ADAMTS18: variants seen among roughly 807,000 people sequenced by gnomAD.
ADAMTS18 encodes the protein ADAM metallopeptidase with thrombospondin type 1 motif 18, also known as A disintegrin and metalloproteinase with thrombospondin motifs 18.
In ADAMTS18, 157 loss-of-function variants were observed where a neutral mutation model predicts 165.9. That is an observed-to-expected ratio of 0.95 (90% CI 0.83 to 1.08). The LOEUF is 1.08. ADAMTS18 is among the 50% of genes least tolerant of loss of function. The pLI is 0.00. For synonymous variants in ADAMTS18, 782 were observed against 578.2 expected (o/e 1.35, Z -5.06); for missense variants, 2,040 against 1,534.0 (o/e 1.33, Z -5.51).
At chr16:77,312,302 T>A (rs2055797723) in intron 16 of ADAMTS18, among the ~76,000 whole-genome samples, 1 of 151,966 alleles carries the variant, frequency 6.6e-6, no homozygotes, top group South Asian at 2.1e-4. Flanking sequence ...AATGGCACGG[T>A]CTTGGCTCAC....
At chr16:77,319,164 C>T (rs1415503896) in intron 16 of ADAMTS18, among the ~76,000 whole-genome samples, 1 of 152,142 alleles carries the variant, frequency 6.6e-6, no homozygotes, top group Non-Finnish European at 1.5e-5. Context: ...ATTTTCTCTA[C>T]TATTAACCCC....
At position 77,343,159 on chromosome 16, in the gene ADAMTS18, G is replaced by A. The variant is rs559072582; in HGVS notation, c.1615-1360C>T. ...ACCATCTCGGCTCACTGCAACCCCC[G>A]CCTCCTGGGTTCAAGCAATTATCCC... On this transcript the variant is annotated intron_variant, in intron 10 of 22. Coordinates refer to ENST00000282849, the MANE Select transcript of ADAMTS18 (RefSeq NM_199355.4). Among the ~76,000 whole-genome samples the A allele has an allele frequency of 2.2e-4, 33 of 147,728 alleles. 1 individual carries two copies. In the South Asian group the frequency reaches 6.3e-3, roughly 28 times the overall value.
Position 77,395,617 on chromosome 16 carries a change from T to C in ADAMTS18, c.496-27894A>G, listed in dbSNP as rs138618791. ...CTTGCCCCAGTTTTAAAAACATAGC[T>C]CCATGATTCTTTAATGGAAACACTC... On this transcript the variant is annotated intron_variant, in intron 3 of 22. Coordinates refer to ENST00000282849, the MANE Select transcript of ADAMTS18 (RefSeq NM_199355.4). Among the ~76,000 whole-genome samples, 468 of 152,202 alleles carry C rather than the reference T, an allele frequency of 3.1e-3. 4 individuals are homozygous for C. The highest frequency in any genetic ancestry group is 0.011 in the African/African-American group (459 of 41,532).
chr16:77,368,171 C>T (rs555507680), intron 3 of ADAMTS18, among the ~76,000 whole-genome samples: 1 of 152,208 alleles, frequency 6.6e-6, no homozygotes, highest in South Asian at 2.1e-4. Context: ...ATTATCACCA[C>T]CCCCATTTAC....
intron 10 of ADAMTS18, among the ~76,000 whole-genome samples, chr16:77,351,622 T>C (rs1356086686): frequency 6.6e-6 from 1 of 152,192 alleles, no homozygotes; most frequent in Non-Finnish European, 1.5e-5. Flanking sequence ...TCCTTTAGAA[T>C]GAAGTGAACA....
intron 3 of ADAMTS18, among the ~76,000 whole-genome samples, chr16:77,389,884 G>GT (rs1243122569): frequency 6.6e-6 from 1 of 152,136 alleles, no homozygotes; most frequent in African/African-American, 2.4e-5. Flanking sequence ...GTGGTAGATT[G>GT]TTTTTAGAAG....
intron 14 of ADAMTS18, 138 bp downstream of exon 14, chr16:77,322,198 G>T: frequency 1.4e-6 from 1 of 739,666 alleles, no homozygotes; most frequent in Non-Finnish European, 2.3e-6. Context: ...CTCGAATCCA[G>T]TGAAACACTT....
chr16:77,287,088 G>C (rs796193667), intron 22 of ADAMTS18, among the ~76,000 whole-genome samples: 36 of 152,156 alleles, frequency 2.4e-4, no homozygotes, highest in African/African-American at 8.7e-4. Context: ...TCTTCTCTAG[G>C]GTCTAGTTTA....
At chr16:77,364,498 C>A (rs2056763997) in intron 4 of ADAMTS18, 117 bp from the exon 5 acceptor site, 1 of 1,113,146 alleles carries the variant, frequency 9.0e-7, no homozygotes, top group Non-Finnish European at 1.3e-6. Context: ...CACCACCAAT[C>A]CACTAACAAG....
intron 13 of ADAMTS18, among the ~76,000 whole-genome samples, chr16:77,325,461 T>C (rs1167157278): frequency 6.6e-6 from 1 of 152,158 alleles, no homozygotes; most frequent in Non-Finnish European, 1.5e-5. Context: ...CCCATGCTTG[T>C]AATCAACTGA....
In ADAMTS18 at chr16:77,420,409, A is replaced by T. The variant is rs1268031662; in HGVS notation, c.495+10886T>A. Among the ~76,000 whole-genome samples, 11 of 152,234 alleles carry T rather than the reference A, an allele frequency of 7.2e-5. No homozygotes were observed. In the East Asian group the frequency reaches 2.1e-3, roughly 29 times the overall value. Reference sequence around the variant, plus strand: ...AGGACTACCCTGGGGAGTCTTTAAAATAACACAGATGTTTGGGCCCCATCC... The same window carrying T: ...AGGACTACCCTGGGGAGTCTTTAAATTAACACAGATGTTTGGGCCCCATCC... On this transcript the variant is annotated intron_variant, in intron 3 of 22. Transcript: ENST00000282849.
chr16:77,348,156 A>G (rs565395685), intron 10 of ADAMTS18, among the ~76,000 whole-genome samples: 26 of 152,282 alleles, frequency 1.7e-4, no homozygotes, highest in African/African-American at 5.8e-4. Flanking sequence ...AATCTTGCTC[A>G]GATTATTTAA....
At chr16:77,415,559 G>C (rs992804799) in intron 3 of ADAMTS18, among the ~76,000 whole-genome samples, 11 of 151,920 alleles carry the variant, frequency 7.2e-5, no homozygotes, top group Non-Finnish European at 1.5e-4. Flanking sequence ...GTTTATTTCT[G>C]AACCAACTAC....
At chr16:77,399,830 G>C (rs2057303146) in intron 3 of ADAMTS18, among the ~76,000 whole-genome samples, 1 of 152,118 alleles carries the variant, frequency 6.6e-6, no homozygotes, top group African/African-American at 2.4e-5. Context: ...TCCTACTAAT[G>C]ATGATATTTA....
At chr16:77,392,596 T>C (rs1280099764) in intron 3 of ADAMTS18, among the ~76,000 whole-genome samples, 1 of 152,196 alleles carries the variant, frequency 6.6e-6, no homozygotes, top group Non-Finnish European at 1.5e-5. Flanking sequence ...CGATAGATTC[T>C]AAATGCCTTT....
intron 4 of ADAMTS18, among the ~76,000 whole-genome samples, chr16:77,365,135 C>G (rs917594839): frequency 6.6e-6 from 1 of 151,862 alleles, no homozygotes; most frequent in East Asian, 1.9e-4. Flanking sequence ...TACGCATTTA[C>G]CTTTAAGATA....
At chr16:77,434,312 C>T in intron 2 of ADAMTS18, 106 bp downstream of exon 2, 3 of 1,314,310 alleles carry the variant, frequency 2.3e-6, no homozygotes, top group Non-Finnish European at 2.1e-6. Context: ...ACAGCGCACA[C>T]CTGCCAGGTT....
At chr16:77,412,334 A>T (rs1336323177) in intron 3 of ADAMTS18, among the ~76,000 whole-genome samples, 1 of 152,026 alleles carries the variant, frequency 6.6e-6, no homozygotes, top group Non-Finnish European at 1.5e-5. Flanking sequence ...AGTATAATAA[A>T]TTTCTTTTTT....
intron 10 of ADAMTS18, among the ~76,000 whole-genome samples, chr16:77,352,223 T>C (rs1212224579): frequency 6.6e-6 from 1 of 151,986 alleles, no homozygotes. Context: ...TTCTTCGGAC[T>C]GGAGTTATGT....
Sources: gnomAD v4.1 joint callset for allele counts (sites outside exome capture counted in the v4.1 genomes callset) on GRCh38, gnomAD v4.1.1 for gene constraint, MANE v1.5 for transcripts, NCBI Gene and HGNC (gene_info 2026-07-23, HGNC 2026-07-21) for gene names.